Variants in ATAD3A observed in about 807,000 individuals in gnomAD.
ATAD3A encodes ATPase family AAA domain-containing protein 3A.
Under a neutral mutation model 73.8 loss-of-function variants are expected in ATAD3A, and 46 were observed. That is an observed-to-expected ratio of 0.62 (90% CI 0.49 to 0.80). ATAD3A has a LOEUF of 0.80. Ranked by LOEUF, ATAD3A falls within the 30% of genes least tolerant of loss-of-function variation. The probability of loss-of-function intolerance (pLI) is 0.00; values close to 1 mark genes in which losing one functional copy is unlikely to be tolerated. For synonymous variants in ATAD3A, 319 were observed against 350.0 expected (o/e 0.91, Z 0.99); for missense variants, 705 against 838.0 (o/e 0.84, Z 1.96).
chr1:1,533,354 C>G (rs1642099810), intron 15 of ATAD3A, among the ~76,000 whole-genome samples: 3 of 152,234 alleles, frequency 2.0e-5, no homozygotes, highest in Non-Finnish European at 4.4e-5. Context: ...TGCAGAAGGG[C>G]TGGACCTGAG....
In ATAD3A at chr1:1,534,458, A is replaced by G; in HGVS notation, c.*386A>G. 1.7e-6 allele frequency: 2 copies of G among 1,184,890 alleles called. No homozygotes were observed. The highest frequency in any genetic ancestry group is 2.2e-6 in the Non-Finnish European group (2 of 928,838). 73.4% of individuals were successfully genotyped at this position (1,184,890 alleles called of 1,614,324 possible). ...TGTCTTTGTTCTCGGCTCCCACAGC[A>G]GAGCCAGGTGAGGGGGCGCCTGCCA... On this transcript the variant is annotated 3_prime_UTR_variant, in exon 16 of 16. Coordinates refer to ENST00000378756, the MANE Select transcript of ATAD3A (RefSeq NM_001170535.3).
At chr1:1,525,842 A>G (rs1641817860) in intron 12 of ATAD3A, among the ~76,000 whole-genome samples, 2 of 152,040 alleles carry the variant, frequency 1.3e-5, no homozygotes, top group Non-Finnish European at 2.9e-5. Flanking sequence ...AGTAGCTGGG[A>G]CTGCAGGGGC....
At chr1:1,515,734 A>C (rs1326450626) in intron 1 of ATAD3A, among the ~76,000 whole-genome samples, 1 of 152,208 alleles carries the variant, frequency 6.6e-6, no homozygotes, top group Non-Finnish European at 1.5e-5. Context: ...TTGAATTGGG[A>C]AAGAGCCTCC....
intron 15 of ATAD3A, among the ~76,000 whole-genome samples, chr1:1,533,603 G>T (rs539682875): frequency 6.6e-6 from 1 of 152,130 alleles, no homozygotes; most frequent in Non-Finnish European, 1.5e-5. Context: ...GCTGAGACTC[G>T]CAGAGGGTCT....
chr1:1,530,240 C>T (rs12127445), intron 15 of ATAD3A, among the ~76,000 whole-genome samples: 1 of 152,160 alleles, frequency 6.6e-6, no homozygotes, highest in Non-Finnish European at 1.5e-5. Context: ...GTTTCCACAA[C>T]TAAGAAAGCA....
At chr1:1,515,707 C>T (rs1165967026) in intron 1 of ATAD3A, among the ~76,000 whole-genome samples, 1 of 152,226 alleles carries the variant, frequency 6.6e-6, no homozygotes, top group Non-Finnish European at 1.5e-5. Context: ...ACACTTTAGC[C>T]ATCGCCTGAC....
chr1:1,516,220 T>A (rs1422000474), intron 2 of ATAD3A, 132 bp downstream of exon 2: 3 of 1,392,014 alleles, frequency 2.2e-6, no homozygotes, highest in African/African-American at 2.9e-5. Flanking sequence ...GGGCCAAGCT[T>A]GGGCGCCTCA....
Position 1,520,544 on chromosome 1 carries a change from G to A in ATAD3A, c.681-4G>A, listed in dbSNP as rs751676155. ...TCCTGGTCACACCACTGCTTTCCCCGCAGGACGGCTGGCACCTTGTTTGGG... is the reference window on the plus strand; with the variant it reads ...TCCTGGTCACACCACTGCTTTCCCCACAGGACGGCTGGCACCTTGTTTGGG... On this transcript the variant is annotated splice_region_variant and splice_polypyrimidine_tract_variant and intron_variant, in intron 6 of 15. Coordinates refer to ENST00000378756, the MANE Select transcript of ATAD3A (RefSeq NM_001170535.3). The surrounding 1 kb of genome is among the most constrained non-coding windows in gnomAD (Gnocchi z 4.0). 2 of 1,614,034 alleles carry A rather than the reference G, an allele frequency of 1.2e-6. No homozygotes were observed. Among genetic ancestry groups the A allele is most frequent in the Admixed American group, 1.7e-5 (1 of 60,024 alleles).
chr1:1,527,773 C>G lies in ATAD3A; in HGVS notation c.1416C>G (p.His472Gln). ...AINDRINEMV[H>Q]FDLPGQEERE... ...ATGACCGCATCAATGAGATGGTCCACTTCGACCTGCCAGGGCAGGAGGAAC... is the reference window on the plus strand; with the variant it reads ...ATGACCGCATCAATGAGATGGTCCAGTTCGACCTGCCAGGGCAGGAGGAAC... The change falls in exon 14 of 16, where the codon CAC (histidine) becomes CAG (glutamine). Residue 472 changes from histidine (H) to glutamine (Q), a missense_variant. Transcript: ENST00000378756. The G allele has an allele frequency of 6.2e-7, 1 of 1,613,982 alleles. No homozygotes were observed.
At chr1:1,517,068 G>C (rs1007370767) in intron 2 of ATAD3A, 13 of 1,506,946 alleles carry the variant, frequency 8.6e-6, no homozygotes, top group Non-Finnish European at 1.1e-5. Flanking sequence ...AGTCCAAAAG[G>C]GGGTGTCCGG....
chr1:1,519,088 T>C (rs1350901515), intron 5 of ATAD3A, 98 bp downstream of exon 5: 3 of 1,604,294 alleles, frequency 1.9e-6, no homozygotes, highest in Admixed American at 3.4e-5. Flanking sequence ...CGGCCCCTCA[T>C]AGCTACCAGT....
At chr1:1,516,159 A>G in intron 2 of ATAD3A, 71 bp downstream of exon 2, 24 of 1,603,602 alleles carry the variant, frequency 1.5e-5, no homozygotes, top group Non-Finnish European at 2.0e-5. Context: ...TGGTAGGGCT[A>G]CTGCCGGTGG....
intron 10 of ATAD3A, 79 bp from the exon 11 acceptor site, chr1:1,524,194 C>T: frequency 6.2e-7 from 1 of 1,611,178 alleles, no homozygotes; most frequent in East Asian, 2.2e-5. Context: ...GCAGAGCCTC[C>T]ACACTCCGGG....
In ATAD3A at chr1:1,523,213, C is replaced by T. The variant is rs570276386; in HGVS notation, c.907-298C>T. On this transcript the variant is annotated intron_variant, in intron 8 of 15. Transcript: ENST00000378756. The surrounding 1 kb of genome is among the most constrained non-coding windows in gnomAD (Gnocchi z 5.1). ...TCAGGGAAGCTGCTACAGGCCACGG[C>T]GTCTGGTGGCCTCCCTGGGGAGCCG... 2.9e-4 allele frequency among the ~76,000 whole-genome samples: 44 copies of T among 152,170 alleles called. No homozygotes were observed. The highest frequency in any genetic ancestry group is 2.5e-3 in the East Asian group (13 of 5,180).
rs766313900 is a variant in ATAD3A at position 1,516,111 on chromosome 1, G to A, written c.282+23G>A. On this transcript the variant is annotated intron_variant, in intron 2 of 15. Transcript: ENST00000378756. ...AAAGTGAGTGGGGCCGGTGTGGGTG[G>A]GGAGGCCGGGGCGCACATGGGGTTC... 13 of 1,612,426 alleles carry A rather than the reference G, an allele frequency of 8.1e-6. No individual in the cohort carries two copies. The South Asian group carries it at 1.1e-4, about 14-fold the overall frequency.
intron 7 of ATAD3A, among the ~76,000 whole-genome samples, chr1:1,521,593 C>T (rs571522853): frequency 1.3e-5 from 2 of 152,332 alleles, no homozygotes; most frequent in African/African-American, 2.4e-5. Context: ...CAGCGCCTGC[C>T]GGTGGCCTGG....
intron 1 of ATAD3A, among the ~76,000 whole-genome samples, chr1:1,513,025 A>G (rs1229532077): frequency 1.3e-5 from 2 of 152,236 alleles, no homozygotes; most frequent in Non-Finnish European, 2.9e-5. Flanking sequence ...CCCTGACCCA[A>G]GGCCCTCAGG....
rs961079072 is a variant in ATAD3A at position 1,512,205 on chromosome 1, A to G, written c.-64A>G. 1.3e-5 allele frequency: 16 copies of G among 1,237,060 alleles called. No individual in the cohort carries two copies. Among genetic ancestry groups the G allele is most frequent in the Non-Finnish European group, 1.6e-5 (16 of 987,016 alleles). The allele number at this position is 1,237,060 out of a possible 1,614,324, so 76.6% of individuals were successfully genotyped here. On this transcript the variant is annotated 5_prime_UTR_variant, in exon 1 of 16. Transcript: ENST00000378756. ...CTCGCGGCGCGTGGAGGCTGCTCCCAGCCGCGCGCGAGTCAGACTCGGGTG... is the reference window on the plus strand; with the variant it reads ...CTCGCGGCGCGTGGAGGCTGCTCCCGGCCGCGCGCGAGTCAGACTCGGGTG...
At chr1:1,526,811 T>C (rs1209000417) in intron 13 of ATAD3A, among the ~76,000 whole-genome samples, 2 of 152,116 alleles carry the variant, frequency 1.3e-5, no homozygotes, top group East Asian at 3.9e-4. Flanking sequence ...TGCCCCTAGG[T>C]TTCTGCGGTC....
Sources: gnomAD v4.1 joint callset for allele counts (sites outside exome capture counted in the v4.1 genomes callset) on GRCh38, gnomAD v4.1.1 for gene constraint, Gnocchi (gnomAD v3.1) non-coding constraint, MANE v1.5 for transcripts, NCBI Gene and HGNC (gene_info 2026-07-23, HGNC 2026-07-21) for gene names.